The following SCFD2 variants were observed in gnomAD, a reference collection of about 807,000 sequenced individuals.
SCFD2 encodes the protein sec1 family domain-containing protein 2.
In SCFD2, 54 loss-of-function variants were observed where a neutral mutation model predicts 58.9. The observed-to-expected ratio is 0.92, with a 90% CI of 0.74 to 1.15. The LOEUF (loss-of-function observed/expected upper bound fraction) is 1.15, where lower values mean the gene tolerates loss of function less well. SCFD2 is among the 50% of genes most tolerant of loss of function. SCFD2 has a pLI of 0.00. For synonymous variants in SCFD2, 321 were observed against 335.9 expected, an observed-to-expected ratio of 0.96 and a Z score of 0.49; for missense variants, 805 against 836.6, an observed-to-expected ratio of 0.96 and a Z score of 0.47.
At chr4:53,247,752 T>C (rs957984790) in intron 4 of SCFD2, among the ~76,000 whole-genome samples, 1 of 144,900 alleles carries the variant, frequency 6.9e-6, no homozygotes, top group Non-Finnish European at 1.5e-5. Flanking sequence ...TCCCAGCTAC[T>C]CGGGAGGCTG....
chr4:53,294,435 G>T (rs961570017), intron 3 of SCFD2, among the ~76,000 whole-genome samples: 1 of 152,174 alleles, frequency 6.6e-6, no homozygotes, highest in Non-Finnish European at 1.5e-5. Flanking sequence ...CTGCATAAAG[G>T]TCTTCTTTTG....
At chr4:53,069,041 TCA>T (rs765121724) in intron 5 of SCFD2, among the ~76,000 whole-genome samples, 3 of 152,044 alleles carry the variant, frequency 2.0e-5, no homozygotes, top group Non-Finnish European at 2.9e-5. Context: ...CAGGGTAAAT[TCA>T]CAGATACCTC....
intron 5 of SCFD2, among the ~76,000 whole-genome samples, chr4:53,005,372 C>A (rs1226426695): frequency 6.6e-6 from 1 of 152,196 alleles, no homozygotes; most frequent in African/African-American, 2.4e-5. Flanking sequence ...CCCTGGCTTG[C>A]CTCCCGGAGG....
chr4:53,148,154 G>A (rs1220844946), intron 4 of SCFD2, among the ~76,000 whole-genome samples: 1 of 152,092 alleles, frequency 6.6e-6, no homozygotes, highest in African/African-American at 2.4e-5. Flanking sequence ...TCTCCCCCCA[G>A]AGCAAAATGA....
At chr4:53,043,099 T>C (rs1722940328) in intron 5 of SCFD2, among the ~76,000 whole-genome samples, 1 of 152,182 alleles carries the variant, frequency 6.6e-6, no homozygotes, top group African/African-American at 2.4e-5. Flanking sequence ...GATTATATTA[T>C]GTATTAATTG....
Position 53,352,752 on chromosome 4 carries a change from G to A in SCFD2, c.853C>T (p.His285Tyr), listed in dbSNP as rs142133865. ...TLDLTGAVGH[H>Y]GDNLVEKIIS... is the part of the protein sequence containing the mutation. ...ATCTTCTCTACTAAGTTGTCTCCATGATGTCCAACTGCTCCTGTTTAAGCA... is the reference window on the plus strand; with the variant it reads ...ATCTTCTCTACTAAGTTGTCTCCATAATGTCCAACTGCTCCTGTTTAAGCA... The change falls in exon 2 of 9, where the codon CAT becomes TAT. Residue 285 changes from histidine (H) to tyrosine (Y), a missense_variant. Physicochemically the swap from His to Tyr is moderately conservative, Grantham distance 83. Around this residue, in one of 3 missense-constraint regions of SCFD2, gnomAD observed 633 missense variants for 646.8 expected, o/e 0.98. Coordinates refer to ENST00000401642, the MANE Select transcript of SCFD2 (RefSeq NM_152540.4). The A allele has an allele frequency of 1.9e-6, 3 of 1,613,916 alleles. No homozygotes were observed. The highest frequency in any genetic ancestry group is 2.5e-6 in the Non-Finnish European group (3 of 1,179,834).
chr4:53,202,007 T>A (rs1728257649), intron 4 of SCFD2, among the ~76,000 whole-genome samples: 1 of 152,256 alleles, frequency 6.6e-6, no homozygotes. Context: ...TTTCTTCTGC[T>A]GTGCAGAAGC....
At chr4:53,049,459 C>A (rs150054949) in intron 5 of SCFD2, among the ~76,000 whole-genome samples, 1 of 152,170 alleles carries the variant, frequency 6.6e-6, no homozygotes, top group Non-Finnish European at 1.5e-5. Context: ...CTTATTTAGT[C>A]GTCACAACAG....
intron 5 of SCFD2, among the ~76,000 whole-genome samples, chr4:53,053,478 C>A (rs1038681724): frequency 6.6e-6 from 1 of 152,174 alleles, no homozygotes; most frequent in Admixed American, 6.5e-5. Context: ...GTGATTCTAT[C>A]ACAGCCTATA....
At chr4:53,124,887 G>T (rs1316470955) in intron 5 of SCFD2, among the ~76,000 whole-genome samples, 1 of 152,142 alleles carries the variant, frequency 6.6e-6, no homozygotes, top group East Asian at 1.9e-4. Context: ...TTAATTAATA[G>T]AAGAGAGAAC....
At chr4:53,164,852 G>A (rs1201856542) in intron 4 of SCFD2, among the ~76,000 whole-genome samples, 3 of 150,932 alleles carry the variant, frequency 2.0e-5, no homozygotes, top group African/African-American at 7.3e-5. Flanking sequence ...TCATTCCTTA[G>A]GAGAAACTTT....
chr4:52,953,391 C>T (rs376801579), intron 5 of SCFD2, among the ~76,000 whole-genome samples: 2 of 152,284 alleles, frequency 1.3e-5, no homozygotes, highest in South Asian at 4.2e-4. Flanking sequence ...AGGGAAGGGA[C>T]CTCTACTATG....
intron 4 of SCFD2, among the ~76,000 whole-genome samples, chr4:53,239,643 C>A (rs1307112415): frequency 6.6e-6 from 1 of 152,092 alleles, no homozygotes; most frequent in Non-Finnish European, 1.5e-5. Context: ...TGCCACCACA[C>A]CCAGCTAATT....
At position 53,082,683 on chromosome 4, in the gene SCFD2, G is replaced by T. The variant is rs1277925113; in HGVS notation, c.1561+62650C>A. On this transcript the variant is annotated intron_variant, in intron 5 of 8. Coordinates refer to ENST00000401642, the MANE Select transcript of SCFD2 (RefSeq NM_152540.4). ...GGTGACCAAGATTTAATCCACTGAG[G>T]TCCCAAACAGAACAAAAGGCAGAAG... Among the ~76,000 whole-genome samples the T allele has an allele frequency of 2.0e-5, 3 of 152,146 alleles. No individual in the cohort carries two copies. The South Asian group carries it at 6.2e-4, about 32-fold the overall frequency.
intron 4 of SCFD2, among the ~76,000 whole-genome samples, chr4:53,239,946 C>T (rs1314575321): frequency 6.6e-6 from 1 of 152,176 alleles, no homozygotes; most frequent in Non-Finnish European, 1.5e-5. Context: ...TCCTAGACTA[C>T]ATTGGGAGAA....
chr4:53,281,049 C>T (rs1202072333), intron 3 of SCFD2, among the ~76,000 whole-genome samples: 1 of 152,190 alleles, frequency 6.6e-6, no homozygotes, highest in Admixed American at 6.5e-5. Flanking sequence ...GCTCTGCGGC[C>T]GTGCGCCCTG....
chr4:53,239,059 A>T (rs1330411788), intron 4 of SCFD2, among the ~76,000 whole-genome samples: 1 of 151,564 alleles, frequency 6.6e-6, no homozygotes, highest in African/African-American at 2.4e-5. Context: ...ACTGCACTCC[A>T]GCCTGGGCAC....
chr4:53,202,428 G>T (rs1728275608), intron 4 of SCFD2, among the ~76,000 whole-genome samples: 1 of 150,670 alleles, frequency 6.6e-6, no homozygotes, highest in African/African-American at 2.4e-5. Context: ...GTTTACTGTA[G>T]CCTTGTAGTA....
At chr4:53,052,735 T>C (rs927447222) in intron 5 of SCFD2, among the ~76,000 whole-genome samples, 1 of 152,190 alleles carries the variant, frequency 6.6e-6, no homozygotes, top group African/African-American at 2.4e-5. Context: ...TTCAGGTGAT[T>C]TTAGGTCAAC....
Sources: gnomAD v4.1 joint callset for allele counts (sites outside exome capture counted in the v4.1 genomes callset) on GRCh38, gnomAD v4.1.1 for gene constraint, gnomAD v4.1.1 regional missense constraint, MANE v1.5 for transcripts, NCBI Gene and HGNC (gene_info 2026-07-23, HGNC 2026-07-21) for gene names.